Variants in PRKCA observed in about 807,000 individuals in gnomAD.
PRKCA encodes the protein protein kinase C alpha type.
Under a neutral mutation model 87.0 loss-of-function variants are expected in PRKCA, and 27 were observed. That is an observed-to-expected ratio of 0.31 (90% CI 0.23 to 0.43). The LOEUF (loss-of-function observed/expected upper bound fraction) is 0.43. Among genes scored for constraint, PRKCA ranks in the 20% least tolerant of loss-of-function variants. The probability of loss-of-function intolerance (pLI) is 1.00; values close to 1 mark genes in which losing one functional copy is unlikely to be tolerated. For synonymous variants in PRKCA, 329 were observed against 311.1 expected, an observed-to-expected ratio of 1.06 and a Z score of -0.61; for missense variants, 518 against 852.3, an observed-to-expected ratio of 0.61 and a Z score of 4.88.
At chr17:66,565,549 G>A (rs940202463) in intron 3 of PRKCA, among the ~76,000 whole-genome samples, 1 of 152,156 alleles carries the variant, frequency 6.6e-6, no homozygotes, top group Non-Finnish European at 1.5e-5. Context: ...AGTTGCTCTA[G>A]CAGAAAGCCA....
chr17:66,482,634 A>G (rs997547521), intron 2 of PRKCA, among the ~76,000 whole-genome samples: 1 of 152,238 alleles, frequency 6.6e-6, no homozygotes, highest in African/African-American at 2.4e-5. Flanking sequence ...TCAAGAAAGT[A>G]CTTTCACCAG....
At chr17:66,398,476 A>G (rs1025383373) in intron 2 of PRKCA, among the ~76,000 whole-genome samples, 1 of 152,210 alleles carries the variant, frequency 6.6e-6, no homozygotes, top group Non-Finnish European at 1.5e-5. Flanking sequence ...TAGCTGAAAA[A>G]GTTAAGTGGC....
intron 2 of PRKCA, among the ~76,000 whole-genome samples, chr17:66,448,130 T>C (rs938015209): frequency 2.0e-5 from 3 of 152,184 alleles, no homozygotes; most frequent in African/African-American, 7.2e-5. Flanking sequence ...AGATGGCCTT[T>C]GTGTTCTGTG....
At chr17:66,397,693 G>A (rs1364062279) in intron 2 of PRKCA, among the ~76,000 whole-genome samples, 3 of 151,986 alleles carry the variant, frequency 2.0e-5, no homozygotes, top group Non-Finnish European at 4.4e-5. Context: ...AATACATCAA[G>A]GGCCTCTAGA....
chr17:66,591,328 T>TA (rs1247581376), intron 3 of PRKCA, among the ~76,000 whole-genome samples: 18 of 151,650 alleles, frequency 1.2e-4, no homozygotes, highest in African/African-American at 3.9e-4. Context: ...AATTTTTTTT[T>TA]TTTTTATTTT....
At chr17:66,604,582 G>A (rs1235572677) in intron 3 of PRKCA, among the ~76,000 whole-genome samples, 6 of 152,200 alleles carry the variant, frequency 3.9e-5, no homozygotes, top group Non-Finnish European at 8.8e-5. Context: ...CAAAGCACCA[G>A]TGTACAACCA....
chr17:66,461,205 C>CAAAA (rs34496253), intron 2 of PRKCA, among the ~76,000 whole-genome samples: 1 of 93,026 alleles, frequency 1.1e-5, no homozygotes, highest in Non-Finnish European at 2.3e-5. Context: ...GACCCCATCT[C>CAAAA]AAAAAAAAAA....
At chr17:66,783,411 T>C (rs962602186) in intron 14 of PRKCA, among the ~76,000 whole-genome samples, 91 of 152,182 alleles carry the variant, frequency 6.0e-4, no homozygotes, top group Admixed American at 1.8e-3. Context: ...GGAATATTCT[T>C]TGGGGAGTGT....
chr17:66,790,374 C>T (rs886810008), intron 16 of PRKCA, among the ~76,000 whole-genome samples: 5 of 152,182 alleles, frequency 3.3e-5, no homozygotes, highest in African/African-American at 1.2e-4. Flanking sequence ...TCTGACACCC[C>T]CGCCTTTTCT....
chr17:66,536,734 A>G (rs1967799485), intron 3 of PRKCA, among the ~76,000 whole-genome samples: 1 of 152,210 alleles, frequency 6.6e-6, no homozygotes, highest in African/African-American at 2.4e-5. Context: ...ACAGGCTCCA[A>G]CTGCTCTTCT....
chr17:66,366,696 T>G (rs1908749937), intron 2 of PRKCA, among the ~76,000 whole-genome samples: 2 of 152,218 alleles, frequency 1.3e-5, no homozygotes, highest in Non-Finnish European at 1.5e-5. Flanking sequence ...ATAGGTGAAC[T>G]GTGAGTAGCT....
intron 8 of PRKCA, among the ~76,000 whole-genome samples, chr17:66,699,522 G>A (rs116507919): frequency 4.6e-5 from 7 of 152,298 alleles, no homozygotes; most frequent in Admixed American, 2.0e-4. Flanking sequence ...GTAAGGAGGT[G>A]GAACCAGTTA....
intron 5 of PRKCA, among the ~76,000 whole-genome samples, chr17:66,662,237 C>G (rs1971925938): frequency 6.6e-6 from 1 of 152,202 alleles, no homozygotes; most frequent in African/African-American, 2.4e-5. Flanking sequence ...TCTCTCTCTT[C>G]CGTCCAAACG....
At chr17:66,458,086 A>G (rs1914653265) in intron 2 of PRKCA, among the ~76,000 whole-genome samples, 1 of 152,224 alleles carries the variant, frequency 6.6e-6, no homozygotes, top group African/African-American at 2.4e-5. Flanking sequence ...CATGTTGTGT[A>G]AGTAGCAGTT....
At chr17:66,748,477 T>C (rs1974349258) in intron 13 of PRKCA, among the ~76,000 whole-genome samples, 1 of 152,032 alleles carries the variant, frequency 6.6e-6, no homozygotes, top group African/African-American at 2.4e-5. Context: ...TCCATAGAGG[T>C]GGAAGCACTA....
intron 2 of PRKCA, among the ~76,000 whole-genome samples, chr17:66,410,687 T>C (rs1911737641): frequency 6.6e-6 from 1 of 152,186 alleles, no homozygotes; most frequent in Non-Finnish European, 1.5e-5. Context: ...GCGATTCTCC[T>C]GCCTCAGCCT....
intron 3 of PRKCA, among the ~76,000 whole-genome samples, chr17:66,568,880 T>C (rs190616945): frequency 1.6e-4 from 24 of 152,192 alleles, no homozygotes; most frequent in African/African-American, 5.8e-4. Flanking sequence ...ACTGGAAACG[T>C]AGGGTCTTTG....
chr17:66,342,468 T>G, intron 2 of PRKCA, among the ~76,000 whole-genome samples: 1 of 144,042 alleles, frequency 6.9e-6, no homozygotes, highest in African/African-American at 2.5e-5. Flanking sequence ...ATAATAATAA[T>G]AATAATAATA....
chr17:66,456,563 G>A (rs1462297461), intron 2 of PRKCA, among the ~76,000 whole-genome samples: 1 of 152,144 alleles, frequency 6.6e-6, no homozygotes, highest in Non-Finnish European at 1.5e-5. Context: ...TAAAACTCTC[G>A]AACATCTAGA....
Sources: allele counts gnomAD v4.1 joint callset (sites outside exome capture counted in the v4.1 genomes callset), GRCh38; gene constraint gnomAD v4.1.1; transcripts MANE v1.5; gene names NCBI Gene and HGNC (gene_info 2026-07-23, HGNC 2026-07-21).